CRIM1: variants seen among roughly 807,000 people sequenced by gnomAD.
CRIM1 encodes the protein cysteine rich transmembrane BMP regulator 1.
In CRIM1, 32 loss-of-function variants were observed where a neutral mutation model predicts 116.4. The ratio of observed to expected loss-of-function variants is 0.27; its 90% CI spans 0.21 to 0.37. The LOEUF is 0.37. CRIM1 is among the 10% of genes least tolerant of loss of function. The pLI is 1.00. For synonymous variants in CRIM1, 590 were observed against 509.2 expected (o/e 1.16, Z -2.13); for missense variants, 1,331 against 1,354.8 (o/e 0.98, Z 0.28).
chr2:36,425,825 C>T (rs1674405829), intron 2 of CRIM1, among the ~76,000 whole-genome samples: 1 of 152,140 alleles, frequency 6.6e-6, no homozygotes. Context: ...CAGAAACCAA[C>T]AGAGTAGAGC....
intron 13 of CRIM1, among the ~76,000 whole-genome samples, chr2:36,531,180 TA>T (rs1248551673): frequency 2.6e-5 from 4 of 152,230 alleles, no homozygotes; most frequent in Admixed American, 6.5e-5. Context: ...ATGCAATTTC[TA>T]AAGCAGCCTG....
intron 2 of CRIM1, among the ~76,000 whole-genome samples, chr2:36,406,507 G>C (rs1476385836): frequency 1.3e-5 from 2 of 152,096 alleles, no homozygotes; most frequent in Non-Finnish European, 2.9e-5. Context: ...CTTTGGTCAA[G>C]GGAAGGGAAT....
At chr2:36,419,109 C>T (rs1325826327) in intron 2 of CRIM1, among the ~76,000 whole-genome samples, 1 of 152,124 alleles carries the variant, frequency 6.6e-6, no homozygotes, top group Non-Finnish European at 1.5e-5. Flanking sequence ...AGAAAGTTTC[C>T]AGCAATTGGT....
In CRIM1 at chr2:36,356,666, C is replaced by G; in HGVS notation, c.331+43C>G. On this transcript the variant is annotated intron_variant, in intron 1 of 16. Coordinates refer to ENST00000280527, the MANE Select transcript of CRIM1 (RefSeq NM_016441.3). This position sits in a 1 kb window ranked among gnomAD's most constrained non-coding sequence, Gnocchi z 4.3. ...GGGCCCCCTCCCACCTGGCCTGCGC[C>G]GCCCCCTCGGCGCTGGTTGTGCCGA... 6.4e-7 allele frequency: 1 copy of G among 1,556,806 alleles called. No homozygotes were observed. The highest frequency in any genetic ancestry group is 1.2e-5 in the South Asian group (1 of 84,988).
intron 1 of CRIM1, among the ~76,000 whole-genome samples, chr2:36,381,772 G>A (rs1451930397): frequency 6.6e-6 from 1 of 152,190 alleles, no homozygotes; most frequent in Non-Finnish European, 1.5e-5. Flanking sequence ...GTATGATAGA[G>A]TGAGACTTCG....
chr2:36,364,346 T>C (rs1274972957), intron 1 of CRIM1, among the ~76,000 whole-genome samples: 4 of 152,240 alleles, frequency 2.6e-5, no homozygotes, highest in Non-Finnish European at 5.9e-5. Flanking sequence ...CCTGCTATTA[T>C]AGTCATTATT....
intron 4 of CRIM1, among the ~76,000 whole-genome samples, chr2:36,447,949 A>T (rs1676378914): frequency 6.6e-6 from 1 of 152,204 alleles, no homozygotes. Flanking sequence ...TGTGCCCAGC[A>T]GCTCTTTTTC....
intron 12 of CRIM1, among the ~76,000 whole-genome samples, chr2:36,517,831 C>T (rs1665132958): frequency 6.6e-6 from 1 of 152,132 alleles, no homozygotes; most frequent in Admixed American, 6.5e-5. Flanking sequence ...AGGCGTATAC[C>T]TAAGTAGAGA....
At chr2:36,499,391 G>T in intron 8 of CRIM1, 44 bp downstream of exon 8, 1 of 1,584,682 alleles carries the variant, frequency 6.3e-7, no homozygotes, top group South Asian at 1.1e-5. Context: ...GGCCTAATAT[G>T]ATATTGTCAA....
intron 1 of CRIM1, among the ~76,000 whole-genome samples, chr2:36,383,233 C>A (rs1224977617): frequency 6.6e-6 from 1 of 152,162 alleles, no homozygotes; most frequent in African/African-American, 2.4e-5. Flanking sequence ...AAATTATTTT[C>A]TACATGTGTA....
chr2:36,472,806 C>T (rs1442707751), intron 5 of CRIM1, among the ~76,000 whole-genome samples: 2 of 152,118 alleles, frequency 1.3e-5, no homozygotes, highest in Non-Finnish European at 2.9e-5. Context: ...AAAAGTACTC[C>T]GTTTTCTATA....
intron 13 of CRIM1, among the ~76,000 whole-genome samples, chr2:36,536,720 A>C (rs1572955343): frequency 6.6e-6 from 1 of 152,204 alleles, no homozygotes; most frequent in East Asian, 1.9e-4. Context: ...CATGGGAAGA[A>C]GGAGCAGAAT....
intron 4 of CRIM1, among the ~76,000 whole-genome samples, chr2:36,463,357 G>C (rs1425822256): frequency 1.3e-5 from 2 of 152,132 alleles, no homozygotes; most frequent in Non-Finnish European, 2.9e-5. Context: ...TAAATAAGAA[G>C]GGGGGACAAA....
At chr2:36,366,135 G>A (rs1387960539) in intron 1 of CRIM1, among the ~76,000 whole-genome samples, 1 of 152,196 alleles carries the variant, frequency 6.6e-6, no homozygotes, top group African/African-American at 2.4e-5. Flanking sequence ...CTTTAAATTG[G>A]CTATTGTAGA....
At chr2:36,436,840 C>G (rs1675352374) in intron 2 of CRIM1, among the ~76,000 whole-genome samples, 1 of 152,112 alleles carries the variant, frequency 6.6e-6, no homozygotes, top group Non-Finnish European at 1.5e-5. Flanking sequence ...GAAAGCTCCC[C>G]AAAATGTAGC....
chr2:36,439,378 C>G (rs1196680524), intron 2 of CRIM1, among the ~76,000 whole-genome samples: 1 of 152,222 alleles, frequency 6.6e-6, no homozygotes, highest in Non-Finnish European at 1.5e-5. Context: ...AAAGTCCTAT[C>G]TTTCTAAGAA....
At chr2:36,508,974 C>A (rs1226821405) in intron 8 of CRIM1, among the ~76,000 whole-genome samples, 1 of 152,118 alleles carries the variant, frequency 6.6e-6, no homozygotes, top group Admixed American at 6.5e-5. Flanking sequence ...ATTTTTTCAA[C>A]ACACACATTT....
Position 36,548,562 on chromosome 2 carries a change from G to T in CRIM1, c.2972G>T (p.Cys991Phe). Residue 991 changes from cysteine to phenylalanine, a missense_variant, in exon 17 of 17, where the codon TGC becomes TTC. By Grantham distance (205) the Cys-to-Phe change is radical (BLOSUM62 -2). Transcript: ENST00000280527. Reference sequence around the variant, plus strand: ...AATAATCAGCTAGTATCTGTGGACTGCAAGAAAGGAACCAGAGTCCAGGTG... The same window carrying T: ...AATAATCAGCTAGTATCTGTGGACTTCAAGAAAGGAACCAGAGTCCAGGTG... ...SLNNQLVSVDCKKGTRVQVDS... is the reference protein window; with the variant it reads ...SLNNQLVSVDFKKGTRVQVDS... 1.9e-6 allele frequency: 3 copies of T among 1,600,296 alleles called. No individual in the cohort carries two copies. The highest frequency in any genetic ancestry group is 2.6e-6 in the Non-Finnish European group (3 of 1,176,000).
chr2:36,469,420 C>A (rs1678313947), intron 5 of CRIM1, among the ~76,000 whole-genome samples: 1 of 152,140 alleles, frequency 6.6e-6, no homozygotes, highest in Admixed American at 6.5e-5. Flanking sequence ...CAGTGAGGAG[C>A]CTGGATGAAG....
Sources: gnomAD v4.1 joint callset for allele counts (sites outside exome capture counted in the v4.1 genomes callset) on GRCh38, gnomAD v4.1.1 for gene constraint, Gnocchi (gnomAD v3.1) non-coding constraint, MANE v1.5 for transcripts, NCBI Gene and HGNC (gene_info 2026-07-23, HGNC 2026-07-21) for gene names.